The following SULT1E1 variants were observed in gnomAD, a reference collection of about 807,000 sequenced individuals.
SULT1E1 encodes the protein sulfotransferase 1E1.
SULT1E1 carries 36 observed loss-of-function variants against 33.6 expected under a neutral mutation model. The observed-to-expected ratio is 1.07, with a 90% CI of 0.82 to 1.41. The LOEUF is 1.41. Ranked by LOEUF, SULT1E1 falls within the 40% of genes most tolerant of loss-of-function variation. SULT1E1 has a pLI of 0.00. For missense variants in SULT1E1, 371 were observed against 345.7 expected (o/e 1.07, Z -0.58); for synonymous variants, 121 against 111.7 (o/e 1.08, Z -0.53).
chr4:69,822,074 A>C, the SULT1E1 span, among the ~76,000 whole-genome samples: 1 of 152,214 alleles, frequency 6.6e-6, no homozygotes, highest in Non-Finnish European at 1.5e-5. Context: ...TAGCTATAGC[A>C]ATGGAAAAGA....
the SULT1E1 span, among the ~76,000 whole-genome samples, chr4:69,831,680 C>A: frequency 1.3e-5 from 2 of 152,136 alleles, no homozygotes; most frequent in Non-Finnish European, 2.9e-5. Context: ...GATGTGCACT[C>A]GCTCTTTCTT....
At chr4:69,827,974 T>C in the SULT1E1 span, among the ~76,000 whole-genome samples, 1 of 152,200 alleles carries the variant, frequency 6.6e-6, no homozygotes, top group Non-Finnish European at 1.5e-5. Flanking sequence ...ATGCAATCAC[T>C]GGAAGGCACA....
the SULT1E1 span, among the ~76,000 whole-genome samples, chr4:69,830,715 G>T: frequency 6.6e-6 from 1 of 151,520 alleles, no homozygotes; most frequent in Non-Finnish European, 1.5e-5. Context: ...GGCTGCCTGT[G>T]TCAGTCTCTG....
At chr4:69,827,840 C>T in the SULT1E1 span, among the ~76,000 whole-genome samples, 1 of 152,196 alleles carries the variant, frequency 6.6e-6, no homozygotes, top group South Asian at 2.1e-4. Flanking sequence ...AGGCCAATTA[C>T]CCGTGAGGGC....
At chr4:69,830,995 C>T in the SULT1E1 span, among the ~76,000 whole-genome samples, 1 of 152,186 alleles carries the variant, frequency 6.6e-6, no homozygotes, top group African/African-American at 2.4e-5. Flanking sequence ...TGGGCACGGC[C>T]AGACCTGAGA....
chr4:69,825,934 T>C, the SULT1E1 span, among the ~76,000 whole-genome samples: 2 of 152,258 alleles, frequency 1.3e-5, no homozygotes, highest in African/African-American at 2.4e-5. Flanking sequence ...GAATGATTTC[T>C]AGTGTAAACT....
In SULT1E1 at chr4:69,849,415, A is replaced by T. The variant is rs773917059; in HGVS notation, c.496+22T>A. 4 of 1,600,950 alleles carry T rather than the reference A, an allele frequency of 2.5e-6. No individual in the cohort carries two copies. In the African/African-American group the frequency reaches 5.4e-5, roughly 22 times the overall value. Reference sequence around the variant, plus strand: ...CTTATAAAACCTTGAAAAAAAATTCAGTGTAAAGAAGCTGTTCCTACCCTG... The same window carrying T: ...CTTATAAAACCTTGAAAAAAAATTCTGTGTAAAGAAGCTGTTCCTACCCTG... On this transcript the variant is annotated intron_variant, in intron 5 of 7. Transcript: ENST00000226444.
chr4:69,842,166 G>T, intron 7 of SULT1E1, 60 bp from the exon 8 acceptor site: 1 of 982,672 alleles, frequency 1.0e-6, no homozygotes, highest in Non-Finnish European at 1.6e-6. Context: ...CATTAGGTTT[G>T]CTAATTTCAT....
At chr4:69,824,765 C>T in the SULT1E1 span, among the ~76,000 whole-genome samples, 1 of 152,090 alleles carries the variant, frequency 6.6e-6, no homozygotes, top group South Asian at 2.1e-4. Context: ...GACCAATCAG[C>T]ACTCTGTAAA....
At chr4:69,850,066 G>GA (rs1178905622) in intron 4 of SULT1E1, among the ~76,000 whole-genome samples, 1 of 151,696 alleles carries the variant, frequency 6.6e-6, no homozygotes, top group African/African-American at 2.4e-5. Flanking sequence ...AATATTACAG[G>GA]AAAAAAACAT....
At chr4:69,857,940 C>T (rs561893681) in intron 1 of SULT1E1, among the ~76,000 whole-genome samples, 53 of 151,944 alleles carry the variant, frequency 3.5e-4, no homozygotes, top group Non-Finnish European at 7.4e-5. Context: ...ATATTTATTC[C>T]GTGATAAATA....
intron 4 of SULT1E1, among the ~76,000 whole-genome samples, chr4:69,850,707 T>C (rs754462890): frequency 2.0e-5 from 3 of 152,090 alleles, no homozygotes; most frequent in Admixed American, 6.6e-5. Flanking sequence ...CTTGTCTTCT[T>C]TGTTCTAGTC....
intron 2 of SULT1E1, among the ~76,000 whole-genome samples, chr4:69,856,330 T>C (rs745822037): frequency 6.6e-6 from 1 of 151,698 alleles, no homozygotes; most frequent in Non-Finnish European, 1.5e-5. Context: ...GGTACTGACA[T>C]ATATTATATT....
chr4:69,821,185 T>A, the SULT1E1 span, among the ~76,000 whole-genome samples: 1 of 152,190 alleles, frequency 6.6e-6, no homozygotes, highest in Non-Finnish European at 1.5e-5. Context: ...AAAACACTGT[T>A]TTTTAATAAA....
chr4:69,831,796 A>G, the SULT1E1 span, among the ~76,000 whole-genome samples: 4 of 152,096 alleles, frequency 2.6e-5, no homozygotes, highest in African/African-American at 9.7e-5. Flanking sequence ...GGCAGCTCCT[A>G]TTAGCCAGAT....
rs756363002 is a variant in SULT1E1, at chr4:69,844,256, G to A, written c.677C>T (p.Thr226Ile). The change falls in exon 7 of 8, where the codon ACT becomes ATT. Residue 226 changes from threonine (T) to isoleucine (I), a missense_variant. By Grantham distance (89) the Thr-to-Ile change is moderately conservative. Transcript: ENST00000226444. ...EELVDRIIHH[T>I]SFQEMKNNPS... The stretch of plus-strand genomic sequence containing the variant: ...ATTGTTCTTCATCTCTTGGAACGAA[G>A]TATGATGTATAATCCTGTCCACAAG... The A allele has an allele frequency of 6.2e-7, 1 of 1,613,810 alleles. No homozygotes were observed. The highest frequency in any genetic ancestry group is 1.7e-5 in the Admixed American group (1 of 60,010).
At chr4:69,855,082 C>T (rs4235086) in intron 3 of SULT1E1, among the ~76,000 whole-genome samples, 151,443 of 152,110 alleles carry the variant, frequency 1, 75,394 homozygotes, top group Middle Eastern at 1. Flanking sequence ...TGAAGGCATA[C>T]AAGAATTGTC....
Position 69,841,926 on chromosome 4 carries a change from T to C in SULT1E1, c.*68A>G. 1 of 826,810 alleles carries C rather than the reference T, an allele frequency of 1.2e-6. No homozygotes were observed. Among genetic ancestry groups the C allele is most frequent in the Admixed American group, 2.8e-5 (1 of 35,864 alleles). 51.2% of individuals were successfully genotyped at this position (826,810 alleles called of 1,614,324 possible). ...TTATGTCTTTTCTAGCAATCTAAAA[T>C]AAGAAAAAGTGGAGAATAATGAAAA... is the stretch of plus-strand genomic sequence containing the variant. On this transcript the variant is annotated 3_prime_UTR_variant, in exon 8 of 8. Coordinates refer to ENST00000226444, the MANE Select transcript of SULT1E1 (RefSeq NM_005420.3).
At chr4:69,837,427 CAT>C (rs1332311625), downstream of SULT1E1, among the ~76,000 whole-genome samples, 4 of 151,780 alleles carry the variant, frequency 2.6e-5, no homozygotes, top group African/African-American at 9.7e-5. Flanking sequence ...ATAAGAAAAA[CAT>C]ATTAATCAAT....
Sources: allele counts gnomAD v4.1 joint callset (sites outside exome capture counted in the v4.1 genomes callset), GRCh38; gene constraint gnomAD v4.1.1; transcripts MANE v1.5; gene names NCBI Gene and HGNC (gene_info 2026-07-23, HGNC 2026-07-21).